Variants in ATXN2 observed in about 807,000 individuals in gnomAD.
ATXN2 encodes the protein ataxin-2.
A neutral mutation model predicts 138.6 loss-of-function variants in ATXN2; 37 were observed. That is an observed-to-expected ratio of 0.27 (90% CI 0.21 to 0.35). The LOEUF is 0.35. Among genes scored for constraint, ATXN2 ranks in the 10% least tolerant of loss-of-function variants. The probability of loss-of-function intolerance (pLI) is 1.00; values close to 1 mark genes in which losing one functional copy is unlikely to be tolerated. For missense variants in ATXN2, 1,216 were observed against 1,480.3 expected (o/e 0.82, Z 2.93); for synonymous variants, 549 against 543.7 (o/e 1.01, Z -0.13).
chr12:111,560,010 G>C (rs560733991), intron 1 of ATXN2, among the ~76,000 whole-genome samples: 11 of 152,262 alleles, frequency 7.2e-5, no homozygotes, highest in African/African-American at 2.4e-4. Context: ...TTGGTGGCCA[G>C]AACTAGGGAA....
At chr12:111,567,462 T>TA (rs1883074251) in intron 1 of ATXN2, among the ~76,000 whole-genome samples, 1 of 151,208 alleles carries the variant, frequency 6.6e-6, no homozygotes, top group Admixed American at 6.6e-5. Flanking sequence ...ATTGAGCCAC[T>TA]GCACTCCAGC....
rs746092663 is a variant in ATXN2, at chr12:111,485,229, CA to C, written c.2524+35del. Reference sequence around the variant, plus strand: ...TTAGTTACTCAATTCATGCAGCATGCAAACTACAAGCAAACACAGGCAGGAT... The same window carrying C: ...TTAGTTACTCAATTCATGCAGCATGCAACTACAAGCAAACACAGGCAGGAT... On this transcript the variant is annotated intron_variant, in intron 18 of 24. Coordinates refer to ENST00000673436, the MANE Select transcript of ATXN2 (RefSeq NM_001372574.1). 4 of 1,572,268 alleles carry C rather than the reference CA, an allele frequency of 2.5e-6. No homozygotes were observed. The Admixed American group carries it at 7.0e-5, about 27-fold the overall frequency.
intron 14 of ATXN2, among the ~76,000 whole-genome samples, chr12:111,496,855 G>C (rs1215446184): frequency 6.9e-6 from 1 of 145,496 alleles, no homozygotes; most frequent in Admixed American, 6.6e-5. Flanking sequence ...AAAATCAGTA[G>C]AAGAAATAAA....
chr12:111,567,262 G>T (rs531392211), intron 1 of ATXN2, among the ~76,000 whole-genome samples: 24 of 152,256 alleles, frequency 1.6e-4, no homozygotes, highest in Middle Eastern at 3.4e-3. Flanking sequence ...AGCACTTTGC[G>T]AAGTTGAGGC....
At chr12:111,454,012 G>A (rs771550017) in intron 23 of ATXN2, 167 bp from the exon 24 acceptor site, 30 of 664,838 alleles carry the variant, frequency 4.5e-5, no homozygotes, top group Non-Finnish European at 6.1e-5. Context: ...CTATTGACCT[G>A]AAGACGCGCT....
intron 1 of ATXN2, among the ~76,000 whole-genome samples, chr12:111,572,665 C>T (rs1883395004): frequency 6.6e-6 from 1 of 152,184 alleles, no homozygotes; most frequent in Non-Finnish European, 1.5e-5. Context: ...TAAATAACAG[C>T]ATAGCCAAGA....
intron 18 of ATXN2, chr12:111,471,593 A>C (rs1350291202): frequency 1.3e-5 from 2 of 152,242 alleles, no homozygotes; most frequent in Non-Finnish European, 2.9e-5. Context: ...TAAAATCCTA[A>C]GAACTGATTA....
intron 1 of ATXN2, among the ~76,000 whole-genome samples, chr12:111,583,125 T>C (rs771261599): frequency 1.3e-5 from 2 of 151,230 alleles, no homozygotes; most frequent in African/African-American, 2.4e-5. Flanking sequence ...CTCGAGTAGC[T>C]GGGACTACAG....
At chr12:111,496,519 G>A (rs1264339881) in intron 14 of ATXN2, among the ~76,000 whole-genome samples, 2 of 152,114 alleles carry the variant, frequency 1.3e-5, no homozygotes, top group African/African-American at 4.8e-5. Context: ...ATGGGTGACA[G>A]AGCGAGACTC....
Position 111,516,768 on chromosome 12 carries a change from G to A in ATXN2, c.1166-405C>T, listed in dbSNP as rs905597467. On this transcript the variant is annotated intron_variant, in intron 9 of 24. Transcript: ENST00000673436. This position sits in a 1 kb window ranked among gnomAD's most constrained non-coding sequence, Gnocchi z 5.0. Reference sequence around the variant, plus strand: ...CTACTCAGGAGTAAGATTATTTACTGTATTAGTTTTAACTCTGAGGCATAA... The same window carrying A: ...CTACTCAGGAGTAAGATTATTTACTATATTAGTTTTAACTCTGAGGCATAA... Among the ~76,000 whole-genome samples the A allele has an allele frequency of 6.6e-6, 1 of 152,088 alleles. No individual in the cohort carries two copies. The highest frequency in any genetic ancestry group is 2.4e-5 in the African/African-American group (1 of 41,432).
chr12:111,461,031 G>T (rs1392593815), intron 21 of ATXN2: 2 of 152,084 alleles, frequency 1.3e-5, no homozygotes, highest in Non-Finnish European at 2.9e-5. Context: ...AAACCACAAA[G>T]GATGTGTAAA....
intron 21 of ATXN2, among the ~76,000 whole-genome samples, chr12:111,461,661 A>AAG (rs1009530137): frequency 1.3e-5 from 2 of 151,994 alleles, no homozygotes; most frequent in African/African-American, 4.8e-5. Flanking sequence ...CTTGGAAGAC[A>AAG]AGAGAGACAA....
At position 111,487,833 on chromosome 12, in the gene ATXN2, T is replaced by TA. The variant is rs946243809; in HGVS notation, c.2240+642dup. ...ACATACCTGGAAAAAGTCATGGCTG[T>TA]AAAAAAAAATTGCCTCAAATCAAGA... On this transcript the variant is annotated intron_variant, in intron 15 of 24. Transcript: ENST00000673436. Among the ~76,000 whole-genome samples, 124 of 151,448 alleles carry TA rather than the reference T, an allele frequency of 8.2e-4. 1 individual carries two copies. The highest frequency in any genetic ancestry group is 2.6e-3 in the African/African-American group (106 of 41,332).
rs61507608 is a variant in ATXN2 at position 111,467,307 on chromosome 12, C to CTTTTTTTTTT, written c.2843-2602_2843-2593dup. On this transcript the variant is annotated intron_variant, in intron 20 of 24. Transcript: ENST00000673436. Reference sequence around the variant, plus strand: ...ACAGGCATGTGCCACCATGACTGGGCTTTTTTTTTTTTTTTTTTTTTTTTT... The same window carrying CTTTTTTTTTT: ...ACAGGCATGTGCCACCATGACTGGGCTTTTTTTTTTTTTTTTTTTTTTTTTTTTTTTTTTT... Among the ~76,000 whole-genome samples, 6 of 34,830 alleles carry CTTTTTTTTTT rather than the reference C, an allele frequency of 1.7e-4. 2 individuals are homozygous for CTTTTTTTTTT. Among genetic ancestry groups the CTTTTTTTTTT allele is most frequent in the African/African-American group, 7.6e-4 (5 of 6,566 alleles). 22.8% of individuals were successfully genotyped at this position (34,830 alleles called of 152,430 possible).
At chr12:111,521,012 T>G in intron 6 of ATXN2, 39 bp from the exon 7 acceptor site, 5 of 1,316,038 alleles carry the variant, frequency 3.8e-6, no homozygotes, top group Non-Finnish European at 5.4e-6. Flanking sequence ...AATGTCAAAG[T>G]AGTTGTTCCC....
upstream of ATXN2, chr12:111,599,575 C>A: frequency 1.8e-6 from 2 of 1,131,640 alleles, no homozygotes; most frequent in Non-Finnish European, 2.2e-6. Flanking sequence ...GACTCTTTAC[C>A]GGAAGTCGGA....
chr12:111,527,996 A>C (rs1162157703), intron 5 of ATXN2, among the ~76,000 whole-genome samples: 1 of 152,188 alleles, frequency 6.6e-6, no homozygotes, highest in African/African-American at 2.4e-5. Context: ...TTTAATTCTC[A>C]CAACACTAGA....
chr12:111,459,464 A>C (rs1870940422), intron 21 of ATXN2, among the ~76,000 whole-genome samples: 1 of 152,238 alleles, frequency 6.6e-6, no homozygotes. Flanking sequence ...AATTTTTGAC[A>C]GAGTCTCGCT....
chr12:111,471,729 G>A (rs1246679794), intron 18 of ATXN2: 1 of 151,018 alleles, frequency 6.6e-6, no homozygotes, highest in African/African-American at 2.4e-5. Flanking sequence ...TTTTATCTTG[G>A]ATGCACGTAT....
Sources: gnomAD v4.1 joint callset for allele counts (sites outside exome capture counted in the v4.1 genomes callset) on GRCh38, gnomAD v4.1.1 for gene constraint, Gnocchi (gnomAD v3.1) non-coding constraint, MANE v1.5 for transcripts, NCBI Gene and HGNC (gene_info 2026-07-23, HGNC 2026-07-21) for gene names.